The following MYO1E variants were observed in gnomAD, a reference collection of about 807,000 sequenced individuals.
The protein encoded by MYO1E is unconventional myosin-Ie.
MYO1E carries 68 observed loss-of-function variants against 151.1 expected under a neutral mutation model. The ratio of observed to expected loss-of-function variants is 0.45; its 90% CI spans 0.37 to 0.55. The LOEUF (loss-of-function observed/expected upper bound fraction) is 0.55. Ranked by LOEUF, MYO1E falls within the 20% of genes least tolerant of loss-of-function variation. The pLI is 0.00. For synonymous variants in MYO1E, 601 were observed against 501.7 expected, an observed-to-expected ratio of 1.20 and a Z score of -2.64; for missense variants, 1,363 against 1,389.3, an observed-to-expected ratio of 0.98 and a Z score of 0.30.
chr15:59,224,668 TGGCCC>T lies in MYO1E; in HGVS notation c.777+16_777+20del. Reference sequence around the variant, plus strand: ...GCCAGTTGGGAGAGCAGATCCTGCCTGGCCCTGCGCCAGCACTTACCAGAGTTTCC... The same window carrying T: ...GCCAGTTGGGAGAGCAGATCCTGCCTTGCGCCAGCACTTACCAGAGTTTCC... On this transcript the variant is annotated intron_variant, in intron 8 of 27. Coordinates refer to ENST00000288235, the MANE Select transcript of MYO1E (RefSeq NM_004998.4). The T allele has an allele frequency of 6.2e-7, 1 of 1,614,140 alleles. No homozygotes were observed. Among genetic ancestry groups the T allele is most frequent in the Non-Finnish European group, 8.5e-7 (1 of 1,180,012 alleles).
At chr15:59,189,986 C>T (rs144520152) in intron 17 of MYO1E, among the ~76,000 whole-genome samples, 22 of 152,294 alleles carry the variant, frequency 1.4e-4, no homozygotes, top group Admixed American at 1.4e-3. Flanking sequence ...TAGGCCTGCA[C>T]CTTGGGGAGG....
intron 26 of MYO1E, among the ~76,000 whole-genome samples, chr15:59,145,730 A>C (rs1480718953): frequency 6.6e-6 from 1 of 152,152 alleles, no homozygotes. Flanking sequence ...AAGTTATTAA[A>C]GTCTATTGCT....
chr15:59,224,675 G>A lies in MYO1E; in HGVS notation c.777+14C>T, dbSNP rs1473890362. The A allele has an allele frequency of 6.2e-7, 1 of 1,614,118 alleles. No individual in the cohort carries two copies. The highest frequency in any genetic ancestry group is 8.5e-7 in the Non-Finnish European group (1 of 1,179,986). On this transcript the variant is annotated intron_variant, in intron 8 of 27. Coordinates refer to ENST00000288235, the MANE Select transcript of MYO1E (RefSeq NM_004998.4). ...GGGAGAGCAGATCCTGCCTGGCCCTGCGCCAGCACTTACCAGAGTTTCCTG... is the reference window on the plus strand; with the variant it reads ...GGGAGAGCAGATCCTGCCTGGCCCTACGCCAGCACTTACCAGAGTTTCCTG...
intron 4 of MYO1E, among the ~76,000 whole-genome samples, chr15:59,248,219 C>T (rs990552650): frequency 4.0e-5 from 6 of 149,430 alleles, no homozygotes; most frequent in Non-Finnish European, 8.9e-5. Flanking sequence ...TGCGGTGGCT[C>T]ATAACTGTAA....
At chr15:59,332,725 T>A (rs544123498) in intron 1 of MYO1E, among the ~76,000 whole-genome samples, 14 of 152,184 alleles carry the variant, frequency 9.2e-5, no homozygotes, top group Non-Finnish European at 1.6e-4. Flanking sequence ...TTTTTTTTTT[T>A]AATTTAATTT....
Position 59,210,538 on chromosome 15 carries a change from T to C in MYO1E, c.1338A>G (p.Val446=). 1 of 1,602,218 alleles carries C rather than the reference T, an allele frequency of 6.2e-7. No individual in the cohort carries two copies. Among genetic ancestry groups the C allele is most frequent in the Non-Finnish European group, 8.6e-7 (1 of 1,169,172 alleles). The change falls in exon 13 of 28, where the codon GTA becomes GTG. Residue 446 remains valine, a synonymous_variant. Coordinates refer to ENST00000288235, the MANE Select transcript of MYO1E (RefSeq NM_004998.4). ...CCACTTTGTTCTCTATGAGGTCACA[T>C]ACGATTTTATTATTAAAGTACTCAA... ...TPIEYFNNKI[V]CDLIENKVNP... is the part of the protein sequence containing the mutation.
At chr15:59,195,404 C>T (rs2079760260) in intron 17 of MYO1E, 57 bp downstream of exon 17, 2 of 1,440,748 alleles carry the variant, frequency 1.4e-6, no homozygotes, top group Admixed American at 1.7e-5. Context: ...GAGGACGGCT[C>T]ATCTTGAGCA....
intron 1 of MYO1E, among the ~76,000 whole-genome samples, chr15:59,310,629 G>C (rs1460377360): frequency 2.6e-5 from 4 of 152,116 alleles, no homozygotes; most frequent in Non-Finnish European, 5.9e-5. Context: ...TGCTGATTTT[G>C]AATCCTAGCC....
At position 59,178,959 on chromosome 15, in the gene MYO1E, C is replaced by T. The variant is rs138895202; in HGVS notation, c.1905-422G>A. The stretch of plus-strand genomic sequence containing the variant: ...GTTTTATAAAGCTCCTGCTAAACAG[C>T]TATTATGACAACTGTGTATCAACTT... On this transcript the variant is annotated intron_variant, in intron 18 of 27. Coordinates refer to ENST00000288235, the MANE Select transcript of MYO1E (RefSeq NM_004998.4). Among the ~76,000 whole-genome samples the T allele has an allele frequency of 5.0e-3, 762 of 152,336 alleles. 32 individuals carry two copies. Among genetic ancestry groups the T allele is most frequent in the Admixed American group, 0.042 (643 of 15,268 alleles).
intron 1 of MYO1E, among the ~76,000 whole-genome samples, chr15:59,298,832 G>A (rs982421031): frequency 7.9e-5 from 12 of 152,322 alleles, no homozygotes; most frequent in Admixed American, 5.9e-4. Context: ...TCTTCTCTAT[G>A]CCCAACCTTT....
At chr15:59,188,004 T>C (rs1458385258) in intron 18 of MYO1E, 114 bp downstream of exon 18, 1 of 819,516 alleles carries the variant, frequency 1.2e-6, no homozygotes, top group South Asian at 1.4e-5. Flanking sequence ...TGCACAACTC[T>C]GTGAATACGT....
At chr15:59,180,544 CTTTTTT>C (rs796277432) in intron 18 of MYO1E, among the ~76,000 whole-genome samples, 1 of 144,358 alleles carries the variant, frequency 6.9e-6, no homozygotes, top group African/African-American at 2.6e-5. Flanking sequence ...CTGCGTTTCT[CTTTTTT>C]TTTTTTTAAT....
At position 59,195,662 on chromosome 15, in the gene MYO1E, AGCT is replaced by A. The variant is rs1362290609; in HGVS notation, c.1699-98_1699-96del. ...GTAAAACTCTCTTGTAGAAATACAT[AGCT>A]AGGAATTAATCTTCATGACAATTTG... On this transcript the variant is annotated intron_variant, in intron 16 of 27. Coordinates refer to ENST00000288235, the MANE Select transcript of MYO1E (RefSeq NM_004998.4). 3.5e-6 allele frequency: 4 copies of A among 1,148,732 alleles called. No homozygotes were observed. The African/African-American group carries it at 6.1e-5, about 17-fold the overall frequency. The allele number at this position is 1,148,732 out of a possible 1,614,324, so 71.2% of individuals were successfully genotyped here.
intron 1 of MYO1E, among the ~76,000 whole-genome samples, chr15:59,336,800 G>A (rs2080731781): frequency 6.8e-6 from 1 of 146,786 alleles, no homozygotes; most frequent in African/African-American, 2.5e-5. Context: ...TGGTCCACGT[G>A]TTCTCATTGT....
chr15:59,226,416 A>T (rs1277593116), intron 7 of MYO1E, among the ~76,000 whole-genome samples: 1 of 152,236 alleles, frequency 6.6e-6, no homozygotes, highest in Non-Finnish European at 1.5e-5. Flanking sequence ...TCTAATGTGG[A>T]TCTTCAATAT....
At chr15:59,245,692 G>A (rs6494086) in intron 4 of MYO1E, among the ~76,000 whole-genome samples, 42,512 of 152,058 alleles carry the variant, frequency 0.28, 6,823 homozygotes, top group African/African-American at 0.45. Context: ...AGCCTAAGGT[G>A]CAAGAGCTGA....
intron 1 of MYO1E, among the ~76,000 whole-genome samples, chr15:59,347,098 T>A (rs1362725460): frequency 6.6e-6 from 1 of 152,158 alleles, no homozygotes; most frequent in Non-Finnish European, 1.5e-5. Context: ...CCCGGGGCCA[T>A]GGACCCGTGC....
chr15:59,287,730 T>C (rs112673192), intron 1 of MYO1E, among the ~76,000 whole-genome samples: 2,592 of 152,228 alleles, frequency 0.017, 62 homozygotes, highest in African/African-American at 0.057. Context: ...ATTGAGTACA[T>C]TGGGGTGTTG....
At chr15:59,214,094 C>T in intron 12 of MYO1E, 134 bp downstream of exon 12, 1 of 693,926 alleles carries the variant, frequency 1.4e-6, no homozygotes, top group African/African-American at 1.8e-5. Context: ...TATGGTTTTT[C>T]TGCCTGACTT....
Sources: gnomAD v4.1 joint callset for allele counts (sites outside exome capture counted in the v4.1 genomes callset) on GRCh38, gnomAD v4.1.1 for gene constraint, MANE v1.5 for transcripts, NCBI Gene and HGNC (gene_info 2026-07-23, HGNC 2026-07-21) for gene names.